The following MIPEP variants were observed in gnomAD, a reference collection of about 807,000 sequenced individuals.
MIPEP encodes the protein mitochondrial intermediate peptidase.
In MIPEP, 79 loss-of-function variants were observed where a neutral mutation model predicts 90.3. The ratio of observed to expected loss-of-function variants is 0.87; its 90% CI spans 0.73 to 1.05. The LOEUF is 1.05. Ranked by LOEUF, MIPEP falls within the 50% of genes least tolerant of loss-of-function variation. The probability of loss-of-function intolerance (pLI) is 0.00; values close to 1 mark genes in which losing one functional copy is unlikely to be tolerated. For missense variants in MIPEP, 940 were observed against 905.6 expected, an observed-to-expected ratio of 1.04 and a Z score of -0.49; for synonymous variants, 334 against 315.8, an observed-to-expected ratio of 1.06 and a Z score of -0.61.
intron 2 of MIPEP, among the ~76,000 whole-genome samples, chr13:23,885,561 G>C (rs1389968993): frequency 1.3e-5 from 2 of 151,138 alleles, no homozygotes; most frequent in South Asian, 2.1e-4. Context: ...TGTACCTCAT[G>C]AATATATACA....
intron 14 of MIPEP, among the ~76,000 whole-genome samples, chr13:23,810,760 A>G (rs1187674314): frequency 6.6e-6 from 1 of 152,252 alleles, no homozygotes; most frequent in Admixed American, 6.5e-5. Context: ...GTCTGCTGGA[A>G]GCGGAAACTA....
At chr13:23,733,193 T>G (rs1416218943) in intron 18 of MIPEP, among the ~76,000 whole-genome samples, 1 of 152,126 alleles carries the variant, frequency 6.6e-6, no homozygotes, top group Non-Finnish European at 1.5e-5. Flanking sequence ...GTGCAGTCAG[T>G]GTGGAGAACA....
chr13:23,834,488 G>A (rs79596107), intron 14 of MIPEP, among the ~76,000 whole-genome samples: 3,615 of 152,310 alleles, frequency 0.024, 169 homozygotes, highest in African/African-American at 0.082. Context: ...AAGACCGCGG[G>A]CAATGGGATG....
At position 23,806,071 on chromosome 13, in the gene MIPEP, T is replaced by C. The variant is rs1379531406; in HGVS notation, c.1729-2A>G. On this transcript the variant is annotated splice_acceptor_variant, in intron 15 of 18. Coordinates refer to ENST00000382172, the MANE Select transcript of MIPEP (RefSeq NM_005932.4). LOFTEE classifies it high-confidence loss of function. ...TTGATCCAGAGTGGCATAAAAGACCTAGATAGATAAAAACATCTACTTAGT... is the reference window on the plus strand; with the variant it reads ...TTGATCCAGAGTGGCATAAAAGACCCAGATAGATAAAAACATCTACTTAGT... 2.5e-6 allele frequency: 4 copies of C among 1,613,468 alleles called. No individual in the cohort carries two copies. The highest frequency in any genetic ancestry group is 1.7e-5 in the Admixed American group (1 of 59,916).
At chr13:23,809,989 G>C in intron 14 of MIPEP, 65 bp from the exon 15 acceptor site, 1 of 929,814 alleles carries the variant, frequency 1.1e-6, no homozygotes, top group Non-Finnish European at 1.7e-6. Context: ...CTATGTATAA[G>C]CCAGGAAATT....
intron 10 of MIPEP, among the ~76,000 whole-genome samples, chr13:23,856,904 TA>T (rs1341364142): frequency 1.3e-5 from 2 of 152,092 alleles, no homozygotes; most frequent in African/African-American, 2.4e-5. Flanking sequence ...GAATACCTGA[TA>T]AAAATGAGAG....
chr13:23,789,906 C>T (rs1952883176), intron 16 of MIPEP, among the ~76,000 whole-genome samples: 1 of 152,164 alleles, frequency 6.6e-6, no homozygotes, highest in South Asian at 2.1e-4. Flanking sequence ...TCTCTGTATC[C>T]ACTTTCTGCC....
intron 8 of MIPEP, among the ~76,000 whole-genome samples, chr13:23,863,785 C>T (rs985926413): frequency 6.6e-6 from 1 of 152,276 alleles, no homozygotes; most frequent in East Asian, 1.9e-4. Context: ...CCATGAGCCT[C>T]CTGTATTTAG....
Position 23,870,211 on chromosome 13 carries a change from G to A in MIPEP, c.604-16C>T, listed in dbSNP as rs764906123. 2.7e-6 allele frequency: 4 copies of A among 1,469,910 alleles called. No individual in the cohort carries two copies. Among genetic ancestry groups the A allele is most frequent in the East Asian group, 4.9e-5 (2 of 40,498 alleles). 91.1% of individuals were successfully genotyped at this position (1,469,910 alleles called of 1,614,324 possible). A position where few individuals can be genotyped will look rare whatever the true frequency, so the allele number is the denominator to read the frequency against. On this transcript the variant is annotated splice_polypyrimidine_tract_variant and intron_variant, in intron 5 of 18. Transcript: ENST00000382172. ...CTCTTTTACGCTGTATGCAGGAGGAGTAAAAGTTATTTAAAGGCGTTTTGA... is the reference window on the plus strand; with the variant it reads ...CTCTTTTACGCTGTATGCAGGAGGAATAAAAGTTATTTAAAGGCGTTTTGA...
At chr13:23,776,484 C>T (rs1264137321) in intron 16 of MIPEP, among the ~76,000 whole-genome samples, 1 of 152,202 alleles carries the variant, frequency 6.6e-6, no homozygotes, top group Non-Finnish European at 1.5e-5. Flanking sequence ...CAACACTTCT[C>T]TATTTATAAT....
intron 14 of MIPEP, among the ~76,000 whole-genome samples, chr13:23,815,696 ATGCTTT>A (rs1407562712): frequency 6.6e-6 from 1 of 152,216 alleles, no homozygotes; most frequent in Non-Finnish European, 1.5e-5. Context: ...TTAGAAGAGG[ATGCTTT>A]CTCTAACCTG....
intron 16 of MIPEP, among the ~76,000 whole-genome samples, chr13:23,787,611 C>A (rs960303812): frequency 6.6e-6 from 1 of 152,142 alleles, no homozygotes; most frequent in Non-Finnish European, 1.5e-5. Flanking sequence ...AGGCAAATAA[C>A]ACACTTTCTC....
chr13:23,755,561 CT>C (rs1952482766), intron 18 of MIPEP, among the ~76,000 whole-genome samples: 1 of 152,128 alleles, frequency 6.6e-6, no homozygotes, highest in African/African-American at 2.4e-5. Flanking sequence ...AGCCAGAAAA[CT>C]TTTCAGATAG....
chr13:23,843,303 G>A (rs186536373), intron 10 of MIPEP, among the ~76,000 whole-genome samples: 2 of 152,056 alleles, frequency 1.3e-5, no homozygotes, highest in African/African-American at 4.8e-5. Flanking sequence ...AGAAAGAATG[G>A]GAGCGGAGTC....
chr13:23,888,789 C>CT (rs886462430), intron 1 of MIPEP: 1 of 1,067,220 alleles, frequency 9.4e-7, no homozygotes, highest in Non-Finnish European at 1.1e-6. Context: ...AGCTAAAGGG[C>CT]TTTAGCAGGG....
chr13:23,780,353 T>G (rs542372525), intron 16 of MIPEP, among the ~76,000 whole-genome samples: 1 of 152,120 alleles, frequency 6.6e-6, no homozygotes, highest in African/African-American at 2.4e-5. Context: ...GGGTCTGGAG[T>G]GGACCTCCAG....
At chr13:23,825,648 G>A (rs1176688897) in intron 14 of MIPEP, among the ~76,000 whole-genome samples, 1 of 152,198 alleles carries the variant, frequency 6.6e-6, no homozygotes, top group Non-Finnish European at 1.5e-5. Context: ...TTATAATACT[G>A]ACTTGATCAA....
At chr13:23,731,426 G>A (rs1952203266) in intron 18 of MIPEP, among the ~76,000 whole-genome samples, 1 of 152,106 alleles carries the variant, frequency 6.6e-6, no homozygotes, top group South Asian at 2.1e-4. Context: ...GTAGTCGGCT[G>A]GGCAGAACTG....
intron 16 of MIPEP, among the ~76,000 whole-genome samples, chr13:23,780,806 T>C (rs1952773431): frequency 6.6e-6 from 1 of 152,028 alleles, no homozygotes; most frequent in Non-Finnish European, 1.5e-5. Flanking sequence ...ACGTGACGAA[T>C]GCACAAGCTT....
Sources: allele counts gnomAD v4.1 joint callset (sites outside exome capture counted in the v4.1 genomes callset), GRCh38; gene constraint gnomAD v4.1.1; transcripts MANE v1.5; gene names NCBI Gene and HGNC (gene_info 2026-07-23, HGNC 2026-07-21).